The following CENPE variants were observed in gnomAD, a reference collection of about 807,000 sequenced individuals.
CENPE encodes the protein centromere-associated protein E.
A neutral mutation model predicts 336.1 loss-of-function variants in CENPE; 145 were observed. That is an observed-to-expected ratio of 0.43 (90% confidence interval 0.38 to 0.50). CENPE has a LOEUF of 0.50. Among genes scored for constraint, CENPE ranks in the 20% least tolerant of loss-of-function variants. CENPE has a pLI of 0.00. For missense variants in CENPE, 2,719 were observed against 3,023.3 expected, an observed-to-expected ratio of 0.90 and a Z score of 2.36; for synonymous variants, 1,013 against 984.8, an observed-to-expected ratio of 1.03 and a Z score of -0.54.
At chr4:103,175,546 T>C (rs1199836657) in intron 15 of CENPE, among the ~76,000 whole-genome samples, 3 of 152,100 alleles carry the variant, frequency 2.0e-5, no homozygotes, top group Non-Finnish European at 4.4e-5. Context: ...ACACGAGCAA[T>C]CTACAAAGTA....
Position 103,145,926 on chromosome 4 carries a change from G to T in CENPE, c.4316C>A (p.Ser1439Tyr), listed in dbSNP as rs1054094304. 1.2e-6 allele frequency: 2 copies of T among 1,613,766 alleles called. No individual in the cohort carries two copies. Among genetic ancestry groups the T allele is most frequent in the South Asian group, 1.1e-5 (1 of 91,062 alleles). Residue 1439 changes from serine to tyrosine, a missense_variant, in exon 30 of 49, where the codon TCT becomes TAT. Ser to Tyr is a moderately radical substitution (Grantham distance 144). This residue lies in a region of CENPE where 2,437 missense variants were observed against 2,513.3 expected (regional missense o/e 0.97). Transcript: ENST00000265148. ...TAGGTCATCTTTCTCCTTAGCTACA[G>T]ATTTCATTTCATCATGACTTTCTTG... ...RLQESHDEMK[S>Y]VAKEKDDLQR...
chr4:103,114,439 T>C lies in CENPE; in HGVS notation c.7540+16A>G. 6.9e-7 allele frequency: 1 copy of C among 1,458,876 alleles called. No individual in the cohort carries two copies. The highest frequency in any genetic ancestry group is 9.6e-7 in the Non-Finnish European group (1 of 1,040,604). 90.4% of individuals were successfully genotyped at this position (1,458,876 alleles called of 1,614,324 possible). On this transcript the variant is annotated intron_variant, in intron 46 of 48. Coordinates refer to ENST00000265148, the MANE Select transcript of CENPE (RefSeq NM_001813.3). ...AAGTAAAATTTCATCTGAAAATATCTGCATTTTCTACTTACCTGAGGTATC... is the reference window on the plus strand; with the variant it reads ...AAGTAAAATTTCATCTGAAAATATCCGCATTTTCTACTTACCTGAGGTATC...
chr4:103,166,877 T>C (rs544241878), intron 16 of CENPE, among the ~76,000 whole-genome samples: 5 of 152,334 alleles, frequency 3.3e-5, no homozygotes, highest in South Asian at 4.1e-4. Flanking sequence ...CTGTGGCCTC[T>C]AGGTTAAGGA....
intron 9 of CENPE, 60 bp from the exon 10 acceptor site, chr4:103,183,348 A>G (rs570903116): frequency 4.7e-5 from 62 of 1,312,088 alleles, no homozygotes; most frequent in Non-Finnish European, 6.3e-5. Context: ...TGATAAACTT[A>G]TTTATCACTA....
At chr4:103,182,584 T>G (rs1756414439) in intron 11 of CENPE, among the ~76,000 whole-genome samples, 178 bp downstream of exon 11, 2 of 152,116 alleles carry the variant, frequency 1.3e-5, no homozygotes, top group Non-Finnish European at 2.9e-5. Context: ...ATTATGAAGG[T>G]AAGATACAAA....
At position 103,145,239 on chromosome 4, in the gene CENPE, A is replaced by G. The variant is rs1578602458; in HGVS notation, c.4668T>C (p.His1556=). 6.2e-7 allele frequency: 1 copy of G among 1,613,586 alleles called. No homozygotes were observed. ...GTAGTGCTGAATCCTTGGCTTTGCGATGCTCCTTGAATTGTTTCAGTTCAT... is the reference window on the plus strand; with the variant it reads ...GTAGTGCTGAATCCTTGGCTTTGCGGTGCTCCTTGAATTGTTTCAGTTCAT... ...KVNELKQFKE[H]RKAKDSALQS... Residue 1556 remains histidine, a synonymous_variant, in exon 32 of 49, where the codon CAT becomes CAC. Coordinates refer to ENST00000265148, the MANE Select transcript of CENPE (RefSeq NM_001813.3).
At chr4:103,190,943 T>C (rs1225560954) in intron 8 of CENPE, among the ~76,000 whole-genome samples, 1 of 138,450 alleles carries the variant, frequency 7.2e-6, no homozygotes, top group Non-Finnish European at 1.6e-5. Context: ...CAAACAAATT[T>C]AGAAAAAAAA....
In CENPE at chr4:103,175,963, A is replaced by T. The variant is rs564166593; in HGVS notation, c.1476T>A (p.Asn492Lys). The T allele has an allele frequency of 1.3e-6, 2 of 1,580,054 alleles. No homozygotes were observed. The highest frequency in any genetic ancestry group is 2.7e-5 in the African/African-American group (2 of 74,076). ...IEWNPATKLL[N>K]QENIESELNS... Reference sequence around the variant, plus strand: ...GCTGTAAAATACATTAAGTTACCTGATTTAGTAGCTTTGTTGCTGGATTCC... The same window carrying T: ...GCTGTAAAATACATTAAGTTACCTGTTTTAGTAGCTTTGTTGCTGGATTCC... Residue 492 changes from asparagine to lysine, a missense_variant, in exon 15 of 49, where the codon AAT becomes AAA. Coordinates refer to ENST00000265148, the MANE Select transcript of CENPE (RefSeq NM_001813.3).
intron 28 of CENPE, 43 bp downstream of exon 28, chr4:103,148,801 G>C: frequency 6.5e-7 from 1 of 1,548,968 alleles, no homozygotes; most frequent in South Asian, 1.2e-5. Flanking sequence ...AAAGGAGAAA[G>C]GAAGGAAGAA....
rs1382926304 is a variant in CENPE at position 103,198,326 on chromosome 4, A to G, written c.-7T>C. The G allele has an allele frequency of 9.0e-6, 14 of 1,551,130 alleles. No individual in the cohort carries two copies. The highest frequency in any genetic ancestry group is 1.2e-5 in the Non-Finnish European group (14 of 1,146,864). On this transcript the variant is annotated 5_prime_UTR_variant, in exon 1 of 49. Coordinates refer to ENST00000265148, the MANE Select transcript of CENPE (RefSeq NM_001813.3). ...CGGCTCCTTCCTCCGCCATCCTATC[A>G]GGCTGAACTGGTCCCAGGAAAATGG...
intron 8 of CENPE, among the ~76,000 whole-genome samples, chr4:103,188,294 C>A (rs1171416380): frequency 6.6e-6 from 1 of 152,156 alleles, no homozygotes; most frequent in Non-Finnish European, 1.5e-5. Context: ...ACCAAGCAGA[C>A]CTAATAGACA....
chr4:103,167,887 TCTTCTGCCTGTCG>T (rs1755057914), intron 16 of CENPE, among the ~76,000 whole-genome samples: 5 of 152,166 alleles, frequency 3.3e-5, no homozygotes, highest in Non-Finnish European at 7.4e-5. Context: ...GCAGATGGGC[TCTTCTGCCTGTCG>T]ACATTGGTCT....
In CENPE at chr4:103,132,956, TTATTTA is replaced by T. The variant is rs886289147; in HGVS notation, c.6721-66_6721-61del. ...TTAGGAAAGTTTTGATCCAAATATTTTATTTATATATATATATATATATATATAAAA... is the reference window on the plus strand; with the variant it reads ...TTAGGAAAGTTTTGATCCAAATATTTTATATATATATATATATATATAAAA... On this transcript the variant is annotated intron_variant, in intron 41 of 48. Coordinates refer to ENST00000265148, the MANE Select transcript of CENPE (RefSeq NM_001813.3). The T allele has an allele frequency of 1.1e-3, 175 of 159,558 alleles. 2 individuals carry two copies. In the African/African-American group the frequency reaches 0.012, roughly 11 times the overall value. The allele number at this position is 159,558 out of a possible 1,614,324, so 9.9% of individuals were successfully genotyped here. A position where few individuals can be genotyped will look rare whatever the true frequency, so the allele number is the denominator to read the frequency against.
At chr4:103,180,523 A>C in intron 12 of CENPE, 54 bp from the exon 13 acceptor site, 1 of 1,184,416 alleles carries the variant, frequency 8.4e-7, no homozygotes, top group Non-Finnish European at 1.2e-6. Flanking sequence ...AAGTTTTAAA[A>C]CCTTAAAGTA....
intron 8 of CENPE, among the ~76,000 whole-genome samples, chr4:103,187,828 G>T (rs1034711773): frequency 6.6e-6 from 1 of 152,158 alleles, no homozygotes; most frequent in African/African-American, 2.4e-5. Context: ...TAGGCTAAAT[G>T]CTCCAATGAA....
intron 13 of CENPE, among the ~76,000 whole-genome samples, chr4:103,177,820 A>G (rs1315474522): frequency 1.3e-5 from 2 of 151,872 alleles, no homozygotes; most frequent in Non-Finnish European, 2.9e-5. Context: ...CCTGCTCTGC[A>G]AAAGCCCCAT....
intron 26 of CENPE, among the ~76,000 whole-genome samples, chr4:103,149,949 T>A (rs2711893): frequency 0.16 from 24,215 of 152,146 alleles, 2,328 homozygotes; most frequent in Non-Finnish European, 0.2. Flanking sequence ...CAATTTGCTA[T>A]GGCAGCCCTA....
intron 8 of CENPE, 106 bp from the exon 9 acceptor site, chr4:103,185,967 C>A (rs1272669986): frequency 1.4e-6 from 1 of 699,130 alleles, no homozygotes. Context: ...AATATTCGAT[C>A]TGTATCCATG....
At chr4:103,194,768 A>C in intron 5 of CENPE, 84 bp from the exon 6 acceptor site, 1 of 1,003,962 alleles carries the variant, frequency 1.0e-6, no homozygotes, top group African/African-American at 1.6e-5. Context: ...CTATTATAGA[A>C]TTCATTTGTG....
Sources: allele counts gnomAD v4.1 joint callset (sites outside exome capture counted in the v4.1 genomes callset), GRCh38; gene constraint gnomAD v4.1.1; regional missense constraint gnomAD v4.1.1; transcripts MANE v1.5; gene names NCBI Gene and HGNC (gene_info 2026-07-23, HGNC 2026-07-21).